Variants in RPA3 observed in about 807,000 individuals in gnomAD.
RPA3 encodes the protein replication protein A 14 kDa subunit.
RPA3 carries 24 observed loss-of-function variants against 13.7 expected under a neutral mutation model. The observed-to-expected ratio is 1.75, with a 90% CI of 1.27 to 2.46. RPA3 has a LOEUF of 2.46. Among genes scored for constraint, RPA3 ranks in the 30% most tolerant of loss-of-function variants. The pLI, the probability that RPA3 is intolerant of heterozygous loss-of-function variation, is 0.00. For missense variants in RPA3, 183 were observed against 151.0 expected, an observed-to-expected ratio of 1.21 and a Z score of -1.11; for synonymous variants, 59 against 51.2, an observed-to-expected ratio of 1.15 and a Z score of -0.65.
chr7:7,673,632 A>G (rs1294132333), intron 4 of RPA3, among the ~76,000 whole-genome samples: 1 of 152,192 alleles, frequency 6.6e-6, no homozygotes, highest in African/African-American at 2.4e-5. Flanking sequence ...GAATAGTGTC[A>G]TCAAGTGAGA....
In RPA3 at chr7:7,640,448, A is replaced by C. The variant is rs565733566; in HGVS notation, c.-30T>G. On this transcript the variant is annotated 5_prime_UTR_variant, in exon 5 of 8. Coordinates refer to ENST00000223129, the MANE Select transcript of RPA3 (RefSeq NM_002947.5). ...ATGGTCCAAGACTGCGGCTGGCGGG[A>C]AACCCACGGACGACTGAAACTGTGC... The C allele has an allele frequency of 6.2e-7, 1 of 1,606,290 alleles. No homozygotes were observed. The highest frequency in any genetic ancestry group is 1.7e-5 in the Admixed American group (1 of 59,964).
intron 4 of RPA3, among the ~76,000 whole-genome samples, chr7:7,660,514 C>T (rs1785448087): frequency 6.6e-6 from 1 of 152,194 alleles, no homozygotes; most frequent in African/African-American, 2.4e-5. Flanking sequence ...CAAAATCTCT[C>T]AGCATTTGCT....
In RPA3 at chr7:7,700,811, C is replaced by T. The variant is rs558595759; in HGVS notation, c.-1027-13483G>A. On this transcript the variant is annotated intron_variant, in intron 2 of 7. Coordinates refer to ENST00000223129, the MANE Select transcript of RPA3 (RefSeq NM_002947.5). The stretch of plus-strand genomic sequence containing the variant: ...GCTGAGGCAGTAGAATCACTTGAGC[C>T]CAGGAAGTGGAGGTTGCAGTGAGCT... 3.9e-5 allele frequency among the ~76,000 whole-genome samples: 6 copies of T among 152,158 alleles called. No homozygotes were observed. The South Asian group carries it at 1.0e-3, about 26-fold the overall frequency.
chr7:7,693,387 C>A lies in RPA3; in HGVS notation c.-1027-6059G>T, dbSNP rs114030533. Reference sequence around the variant, plus strand: ...AATGTATAATATAGGAAAATCTCATCTGAAACTTTCCCTTCATTCTGCAAT... The same window carrying A: ...AATGTATAATATAGGAAAATCTCATATGAAACTTTCCCTTCATTCTGCAAT... On this transcript the variant is annotated intron_variant, in intron 2 of 7. Transcript: ENST00000223129. Among the ~76,000 whole-genome samples, 753 of 152,100 alleles carry A rather than the reference C, an allele frequency of 5.0e-3. 7 individuals are homozygous for A. Among genetic ancestry groups the A allele is most frequent in the African/African-American group, 0.017 (719 of 41,484 alleles).
intron 2 of RPA3, among the ~76,000 whole-genome samples, chr7:7,714,055 A>G (rs961611780): frequency 6.6e-6 from 1 of 152,148 alleles, no homozygotes; most frequent in African/African-American, 2.4e-5. Context: ...ATGTTTTAAG[A>G]TTTCCAAAAA....
chr7:7,701,925 T>G (rs184325590), intron 2 of RPA3, among the ~76,000 whole-genome samples: 1 of 152,242 alleles, frequency 6.6e-6, no homozygotes, highest in Non-Finnish European at 1.5e-5. Context: ...TGCCATCAGC[T>G]ATACCTCCCT....
intron 2 of RPA3, among the ~76,000 whole-genome samples, chr7:7,707,976 T>G (rs1282637280): frequency 2.0e-5 from 3 of 152,220 alleles, no homozygotes; most frequent in East Asian, 3.8e-4. Flanking sequence ...CTTTTGATCC[T>G]TTAGTTGTCA....
At chr7:7,713,204 C>A (rs1780810707) in intron 2 of RPA3, among the ~76,000 whole-genome samples, 1 of 151,890 alleles carries the variant, frequency 6.6e-6, no homozygotes, top group South Asian at 2.1e-4. Flanking sequence ...ATTAGCTGGG[C>A]ATGGTGGCGT....
At chr7:7,711,619 T>C (rs1223484401) in intron 2 of RPA3, among the ~76,000 whole-genome samples, 2 of 152,162 alleles carry the variant, frequency 1.3e-5, no homozygotes, top group African/African-American at 4.8e-5. Context: ...GACATTTTTA[T>C]TTATGTTTAA....
intron 5 of RPA3, 26 bp downstream of exon 5, chr7:7,640,294 G>A (rs201174494): frequency 6.5e-5 from 104 of 1,612,106 alleles, no homozygotes; most frequent in Admixed American, 2.7e-4. Context: ...ACGGACTTGG[G>A]AGCCCATGAT....
At chr7:7,649,138 A>T (rs1785162994) in intron 4 of RPA3, among the ~76,000 whole-genome samples, 1 of 147,554 alleles carries the variant, frequency 6.8e-6, no homozygotes, top group African/African-American at 2.5e-5. Flanking sequence ...AGCCCGTGCG[A>T]CAAGAGCGAG....
intron 4 of RPA3, among the ~76,000 whole-genome samples, chr7:7,649,660 A>C (rs1380943593): frequency 6.6e-6 from 1 of 150,704 alleles, no homozygotes; most frequent in Non-Finnish European, 1.5e-5. Flanking sequence ...GTTAATTTGA[A>C]TGTTATACAT....
rs538844655 is a variant in RPA3, at chr7:7,713,986, C to T, written c.-1028+1189G>A. ...AGTAGCTGGGACTACAGGCATGTGCCACCACACCTGCCCCACACGTTTTTC... is the reference window on the plus strand; with the variant it reads ...AGTAGCTGGGACTACAGGCATGTGCTACCACACCTGCCCCACACGTTTTTC... On this transcript the variant is annotated intron_variant, in intron 2 of 7. Transcript: ENST00000223129. 2.0e-5 allele frequency among the ~76,000 whole-genome samples: 3 copies of T among 152,304 alleles called. No individual in the cohort carries two copies. The South Asian group carries it at 6.2e-4, about 32-fold the overall frequency.
intron 4 of RPA3, among the ~76,000 whole-genome samples, chr7:7,644,023 G>T (rs1191912085): frequency 1.3e-5 from 2 of 152,084 alleles, no homozygotes; most frequent in Non-Finnish European, 2.9e-5. Context: ...GTAAAAAAAT[G>T]ATTTCCCCAA....
At chr7:7,678,638 A>T (rs1779819606) in intron 4 of RPA3, among the ~76,000 whole-genome samples, 1 of 101,830 alleles carries the variant, frequency 9.8e-6, no homozygotes, top group Non-Finnish European at 1.9e-5. Context: ...TAATTTATAG[A>T]TAAATATATA....
chr7:7,667,620 GT>G (rs771390482), intron 4 of RPA3, among the ~76,000 whole-genome samples: 2 of 152,166 alleles, frequency 1.3e-5, no homozygotes, highest in Non-Finnish European at 1.5e-5. Context: ...TATGAAGTAA[GT>G]GAAGGTCTTC....
intron 1 of RPA3, among the ~76,000 whole-genome samples, chr7:7,716,243 T>A (rs1462992808): frequency 6.6e-6 from 1 of 152,126 alleles, no homozygotes; most frequent in African/African-American, 2.4e-5. Context: ...ACAGCTTGAA[T>A]CAGGATTCGA....
At chr7:7,709,887 T>A (rs1435976657) in intron 2 of RPA3, among the ~76,000 whole-genome samples, 1 of 152,162 alleles carries the variant, frequency 6.6e-6, no homozygotes, top group Admixed American at 6.5e-5. Flanking sequence ...ACCTTGAAGT[T>A]CTCTAAGTCT....
chr7:7,709,176 G>C (rs1780685733), intron 2 of RPA3, among the ~76,000 whole-genome samples: 1 of 152,160 alleles, frequency 6.6e-6, no homozygotes, highest in Non-Finnish European at 1.5e-5. Flanking sequence ...GTTTGAAATT[G>C]ACTGTCTTTG....
Sources: gnomAD v4.1 joint callset for allele counts (sites outside exome capture counted in the v4.1 genomes callset) on GRCh38, gnomAD v4.1.1 for gene constraint, MANE v1.5 for transcripts, NCBI Gene and HGNC (gene_info 2026-07-23, HGNC 2026-07-21) for gene names.